Variants in HSP90AA1 observed in about 807,000 individuals in gnomAD.
The protein encoded by HSP90AA1 is heat shock protein HSP 90-alpha.
A neutral mutation model predicts 73.3 loss-of-function variants in HSP90AA1; 18 were observed. The ratio of observed to expected loss-of-function variants is 0.25; its 90% CI spans 0.17 to 0.36. The LOEUF is 0.36. Ranked by LOEUF, HSP90AA1 falls within the 10% of genes least tolerant of loss-of-function variation. The probability of loss-of-function intolerance (pLI) is 1.00; values close to 1 mark genes in which losing one functional copy is unlikely to be tolerated. For missense variants in HSP90AA1, 704 were observed against 874.2 expected (o/e 0.81, Z 2.45); for synonymous variants, 477 against 296.9 (o/e 1.61, Z -6.24).
intron 2 of HSP90AA1, chr14:102,101,832 T>C (rs750022345): frequency 3.3e-6 from 5 of 1,509,794 alleles, no homozygotes; most frequent in Middle Eastern, 2.1e-4. Context: ...TAACATTAGC[T>C]AGAAATGTTT....
chr14:102,096,512 C>G (rs538096689), intron 2 of HSP90AA1, among the ~76,000 whole-genome samples: 4 of 152,230 alleles, frequency 2.6e-5, no homozygotes, highest in Non-Finnish European at 5.9e-5. Flanking sequence ...TTGCGATGCC[C>G]TTCTCCAGGC....
intron 1 of HSP90AA1, among the ~76,000 whole-genome samples, chr14:102,107,251 C>T (rs933412490): frequency 1.3e-5 from 2 of 151,984 alleles, no homozygotes; most frequent in African/African-American, 4.8e-5. Context: ...AGAGATTCCT[C>T]TCACCACTTC....
At chr14:102,109,498 GCTCT>G (rs1377601381) in intron 1 of HSP90AA1, among the ~76,000 whole-genome samples, 1 of 152,140 alleles carries the variant, frequency 6.6e-6, no homozygotes, top group Non-Finnish European at 1.5e-5. Context: ...CCCTGCACAA[GCTCT>G]CTCTTTGCCT....
exon 2 of HSP90AA1, chr14:102,101,881 C>G: frequency 6.2e-7 from 1 of 1,611,636 alleles, no homozygotes; most frequent in Non-Finnish European, 8.5e-7. Context: ...TTACCAGTAG[C>G]CTAAGCAATA....
chr14:102,106,760 T>A (rs915009656), intron 1 of HSP90AA1, among the ~76,000 whole-genome samples: 2 of 152,004 alleles, frequency 1.3e-5, no homozygotes, highest in African/African-American at 2.4e-5. Context: ...GCAAGGCTGG[T>A]CTTGAACTCC....
At chr14:102,088,589 G>C (rs528783977), upstream of HSP90AA1, among the ~76,000 whole-genome samples, 8 of 152,306 alleles carry the variant, frequency 5.3e-5, no homozygotes, top group South Asian at 1.7e-3. Flanking sequence ...GTGGTGACCG[G>C]GTGTGTGCCT....
At chr14:102,084,103 T>C (rs1191730817) in intron 6 of HSP90AA1, 120 bp from the exon 7 acceptor site, 6 of 861,090 alleles carry the variant, frequency 7.0e-6, no homozygotes, top group East Asian at 5.2e-5. Flanking sequence ...ACAGTCTCAC[T>C]CTGTTGCCCA....
At chr14:102,084,624 G>C in intron 5 of HSP90AA1, 57 bp downstream of exon 5, 1 of 1,614,158 alleles carries the variant, frequency 6.2e-7, no homozygotes, top group East Asian at 2.2e-5. Flanking sequence ...GATATTTGGG[G>C]TGGTGGAGAA....
In HSP90AA1 at chr14:102,124,854, T is replaced by C. The variant is rs181667656; in HGVS notation, c.155+14396A>G. Among the ~76,000 whole-genome samples the C allele has an allele frequency of 3.6e-3, 545 of 152,382 alleles. 5 individuals are homozygous for C. The highest frequency in any genetic ancestry group is 3.3e-3 in the Non-Finnish European group (227 of 68,032). The stretch of plus-strand genomic sequence containing the variant: ...TGAATAGAATTTATGTTATGTCTTT[T>C]GACCTTAAGTCCAGTGCTCTTTTTT... On this transcript the variant is annotated intron_variant, in intron 1 of 11. Transcript: ENST00000334701.
At chr14:102,113,304 G>A (rs1400693009) in intron 1 of HSP90AA1, among the ~76,000 whole-genome samples, 2 of 152,006 alleles carry the variant, frequency 1.3e-5, no homozygotes, top group Non-Finnish European at 2.9e-5. Flanking sequence ...GATTACAGGT[G>A]TGAGCCACCG....
intron 1 of HSP90AA1, among the ~76,000 whole-genome samples, chr14:102,110,413 T>C (rs1007693736): frequency 7.0e-6 from 1 of 142,608 alleles, no homozygotes. Flanking sequence ...TTTGTTTGTT[T>C]GTTTGTTTGT....
chr14:102,108,663 G>A (rs946837067), intron 1 of HSP90AA1, among the ~76,000 whole-genome samples: 1 of 151,366 alleles, frequency 6.6e-6, no homozygotes, highest in Non-Finnish European at 1.5e-5. Context: ...AGCCTCTGGA[G>A]TTGCTGGGAT....
rs1380877736 is a variant in HSP90AA1, at chr14:102,084,695, G to T, written c.967C>A (p.His323Asn). 1 of 1,613,598 alleles carries T rather than the reference G, an allele frequency of 6.2e-7. No individual in the cohort carries two copies. Among genetic ancestry groups the T allele is most frequent in the Non-Finnish European group, 8.5e-7 (1 of 1,179,706 alleles). Residue 323 changes from histidine to asparagine, a missense_variant, in exon 5 of 11, where the codon CAC (histidine) becomes AAC (asparagine). Transcript: ENST00000216281. ...YKSLTNDWED[H>N]LAVKHFSVEG... The stretch of plus-strand genomic sequence containing the variant: ...CAGTCACTCACCTTCACTGCCAAGT[G>T]ATCTTCCCAGTCATTGGTCAAGCTC...
Position 102,093,711 on chromosome 14 carries a change from G to A in HSP90AA1, c.367-7333C>T, listed in dbSNP as rs564044791. On this transcript the variant is annotated intron_variant, in intron 2 of 11. Coordinates refer to the HSP90AA1 transcript ENST00000334701. ...GAAAGGGCCAGGCGAGGTAGCTGAT[G>A]CCTTTACTCCCAGCATTTTGGGAGG... 2.0e-5 allele frequency among the ~76,000 whole-genome samples: 3 copies of A among 152,234 alleles called. No individual in the cohort carries two copies. The South Asian group carries it at 6.2e-4, about 32-fold the overall frequency.
intron 1 of HSP90AA1, among the ~76,000 whole-genome samples, chr14:102,102,641 CG>C (rs1566728406): frequency 6.6e-6 from 1 of 152,202 alleles, no homozygotes; most frequent in African/African-American, 2.4e-5. Context: ...GCCACGCATA[CG>C]ACTTGTGAGA....
At chr14:102,091,295 C>T (rs558647385), upstream of HSP90AA1, among the ~76,000 whole-genome samples, 11 of 152,214 alleles carry the variant, frequency 7.2e-5, no homozygotes, top group South Asian at 4.1e-4. Flanking sequence ...GGCAGTTACA[C>T]CCAGGTCTGG....
At chr14:102,084,246 A>T (rs1244959604) in intron 6 of HSP90AA1, 153 bp downstream of exon 6, 15 of 735,554 alleles carry the variant, frequency 2.0e-5, no homozygotes, top group Non-Finnish European at 1.9e-5. Context: ...GGGTTTCACC[A>T]TGTTGCCCAG....
upstream of HSP90AA1, among the ~76,000 whole-genome samples, chr14:102,088,118 CA>C (rs201925926): frequency 0.022 from 3,357 of 151,960 alleles, 78 homozygotes; most frequent in South Asian, 0.1. Flanking sequence ...GCGCGGACAC[CA>C]CACCTGTCTA....
intron 2 of HSP90AA1, among the ~76,000 whole-genome samples, chr14:102,095,086 GTGTC>G (rs1222781682): frequency 6.6e-6 from 1 of 152,196 alleles, no homozygotes; most frequent in African/African-American, 2.4e-5. Context: ...TTGGACCACA[GTGTC>G]TGCTGCGCAT....
Sources: allele counts gnomAD v4.1 joint callset (sites outside exome capture counted in the v4.1 genomes callset), GRCh38; gene constraint gnomAD v4.1.1; transcripts MANE v1.5; gene names NCBI Gene and HGNC (gene_info 2026-07-23, HGNC 2026-07-21).